SNX30: variants seen among roughly 807,000 people sequenced by gnomAD.
The protein encoded by SNX30 is sorting nexin-30.
Under a neutral mutation model 46.4 loss-of-function variants are expected in SNX30, and 24 were observed. That is an observed-to-expected ratio of 0.52 (90% CI 0.37 to 0.73). The LOEUF is 0.73. Ranked by LOEUF, SNX30 falls within the 30% of genes least tolerant of loss-of-function variation. The pLI, the probability that SNX30 is intolerant of heterozygous loss-of-function variation, is 0.00. For missense variants in SNX30, 533 were observed against 555.7 expected (o/e 0.96, Z 0.41); for synonymous variants, 189 against 211.5 (o/e 0.89, Z 0.92).
chr9:112,845,575 G>A (rs1564289584), intron 6 of SNX30, among the ~76,000 whole-genome samples: 1 of 152,200 alleles, frequency 6.6e-6, no homozygotes, highest in Non-Finnish European at 1.5e-5. Flanking sequence ...ACACTTGAGG[G>A]TGTTCAGTGA....
At chr9:112,806,459 G>T (rs1840225392) in intron 2 of SNX30, among the ~76,000 whole-genome samples, 1 of 152,074 alleles carries the variant, frequency 6.6e-6, no homozygotes, top group African/African-American at 2.4e-5. Flanking sequence ...TGTCTTTATG[G>T]AAGGCATTAA....
At chr9:112,837,814 A>G (rs569892751) in intron 5 of SNX30, among the ~76,000 whole-genome samples, 2 of 148,488 alleles carry the variant, frequency 1.3e-5, no homozygotes, top group Admixed American at 1.3e-4. Flanking sequence ...ATCTCCCTAA[A>G]CCTATATGAA....
At chr9:112,830,590 T>C (rs1468851480) in intron 3 of SNX30, 135 bp from the exon 4 acceptor site, 1 of 699,662 alleles carries the variant, frequency 1.4e-6, no homozygotes, top group Non-Finnish European at 2.3e-6. Context: ...TTTATATTAA[T>C]GACTACATGA....
chr9:112,824,899 C>T (rs765453001), intron 3 of SNX30, among the ~76,000 whole-genome samples: 4 of 152,082 alleles, frequency 2.6e-5, no homozygotes, highest in Non-Finnish European at 5.9e-5. Flanking sequence ...CGACCATCAC[C>T]ACCATTGAGT....
chr9:112,867,007 C>A (rs1841363066), intron 8 of SNX30, among the ~76,000 whole-genome samples: 3 of 149,640 alleles, frequency 2.0e-5, no homozygotes, highest in Admixed American at 6.6e-5. Flanking sequence ...CCTCAGAACT[C>A]CTCCCCCCTC....
At chr9:112,772,174 T>G (rs918055114) in intron 1 of SNX30, among the ~76,000 whole-genome samples, 3 of 152,180 alleles carry the variant, frequency 2.0e-5, no homozygotes, top group Admixed American at 6.5e-5. Flanking sequence ...AGAACAATCC[T>G]TATTCTAGTG....
rs796986603 is a variant in SNX30 at position 112,865,624 on chromosome 9, C to CATATATAT, written c.1254+1256_1254+1263dup. ...ACAGAGTTTTTTGATCCTGTCACGC[C>CATATATAT]ATATATATATATATATATATATATA... On this transcript the variant is annotated intron_variant, in intron 8 of 8. Transcript: ENST00000374232. 8.5e-3 allele frequency among the ~76,000 whole-genome samples: 673 copies of CATATATAT among 78,786 alleles called. 4 individuals carry two copies. The highest frequency in any genetic ancestry group is 0.011 in the African/African-American group (184 of 17,424). The allele number at this position is 78,786 out of a possible 152,430, so 51.7% of individuals were successfully genotyped here.
intron 3 of SNX30, among the ~76,000 whole-genome samples, chr9:112,818,182 G>A (rs1286929805): frequency 6.7e-6 from 1 of 149,426 alleles, no homozygotes; most frequent in Non-Finnish European, 1.5e-5. Context: ...CAGAACCAGA[G>A]CAAAAGAAAT....
At chr9:112,883,859 G>A (rs780980088), downstream of SNX30, among the ~76,000 whole-genome samples, 3 of 151,962 alleles carry the variant, frequency 2.0e-5, no homozygotes, top group Non-Finnish European at 4.4e-5. Context: ...TGCCAAGCCC[G>A]GCTAATTTTT....
chr9:112,759,160 C>CTGGT (rs1839401235), intron 1 of SNX30, among the ~76,000 whole-genome samples: 1 of 152,086 alleles, frequency 6.6e-6, no homozygotes, highest in Non-Finnish European at 1.5e-5. Context: ...GTCACTGTGC[C>CTGGT]TGGTCTTGTG....
At chr9:112,861,234 G>A (rs1001513160) in intron 7 of SNX30, among the ~76,000 whole-genome samples, 2 of 152,210 alleles carry the variant, frequency 1.3e-5, no homozygotes, top group African/African-American at 2.4e-5. Context: ...CAGGAAGATT[G>A]TGTTATTAAT....
At chr9:112,862,487 A>G (rs1841254450) in intron 7 of SNX30, among the ~76,000 whole-genome samples, 1 of 151,906 alleles carries the variant, frequency 6.6e-6, no homozygotes, top group Non-Finnish European at 1.5e-5. Context: ...TCCTGGAGTG[A>G]CTCTGGAGAG....
At chr9:112,776,822 C>T (rs1361434860) in intron 1 of SNX30, among the ~76,000 whole-genome samples, 1 of 152,202 alleles carries the variant, frequency 6.6e-6, no homozygotes, top group Non-Finnish European at 1.5e-5. Flanking sequence ...GGACAGCAGG[C>T]TGGATGGACC....
At chr9:112,847,408 C>G (rs1840955637) in intron 6 of SNX30, among the ~76,000 whole-genome samples, 1 of 151,528 alleles carries the variant, frequency 6.6e-6, no homozygotes, top group South Asian at 2.1e-4. Flanking sequence ...TTATTTCATA[C>G]AGAAACGTTT....
At chr9:112,850,776 G>T (rs922786667) in intron 6 of SNX30, 83 bp from the exon 7 acceptor site, 5 of 1,015,136 alleles carry the variant, frequency 4.9e-6, no homozygotes, top group East Asian at 4.9e-5. Context: ...GGGGAGGCGT[G>T]GGGGAAAAGA....
chr9:112,867,247 T>A (rs1364683342), intron 8 of SNX30, among the ~76,000 whole-genome samples: 1 of 131,542 alleles, frequency 7.6e-6, no homozygotes, highest in Non-Finnish European at 1.6e-5. Flanking sequence ...CTCCTCAGGA[T>A]TTTTCCTCCC....
chr9:112,876,439 G>C (rs1414455789), downstream of SNX30, among the ~76,000 whole-genome samples: 3 of 151,718 alleles, frequency 2.0e-5, no homozygotes, highest in Admixed American at 6.6e-5. Context: ...CGTAGACCCC[G>C]TCTCTACAAA....
chr9:112,793,003 T>C (rs1026489344), intron 1 of SNX30, among the ~76,000 whole-genome samples: 2 of 152,292 alleles, frequency 1.3e-5, no homozygotes, highest in East Asian at 1.9e-4. Context: ...CTTGCTTTTT[T>C]TGTGTTTTGG....
intron 1 of SNX30, among the ~76,000 whole-genome samples, chr9:112,761,151 G>A (rs576961132): frequency 3.4e-5 from 5 of 145,064 alleles, no homozygotes; most frequent in South Asian, 2.1e-4. Context: ...CCTAGAGGGC[G>A]TGGTTTTGTT....
Sources: allele counts gnomAD v4.1 joint callset (sites outside exome capture counted in the v4.1 genomes callset), GRCh38; gene constraint gnomAD v4.1.1; transcripts MANE v1.5; gene names NCBI Gene and HGNC (gene_info 2026-07-23, HGNC 2026-07-21).